OPRM1: variants seen among roughly 807,000 people sequenced by gnomAD.
OPRM1 encodes the protein opioid receptor mu 1, also known as mu-type opioid receptor.
A neutral mutation model predicts 31.8 loss-of-function variants in OPRM1; 27 were observed. The observed-to-expected ratio is 0.85, with a 90% CI of 0.63 to 1.17. The LOEUF is 1.17. OPRM1 is among the 50% of genes most tolerant of loss of function. The probability of loss-of-function intolerance (pLI) is 0.00; values close to 1 mark genes in which losing one functional copy is unlikely to be tolerated. For synonymous variants in OPRM1, 196 were observed against 189.9 expected (o/e 1.03, Z -0.26); for missense variants, 536 against 511.1 (o/e 1.05, Z -0.47).
At position 154,119,142 on chromosome 6, in the gene OPRM1, GAAT is replaced by G; in HGVS notation, c.*422_*424del. On this transcript the variant is annotated 3_prime_UTR_variant, in exon 4 of 4. Coordinates refer to ENST00000330432, the MANE Select transcript of OPRM1 (RefSeq NM_000914.5). ...ATGCTACCTCTGATCAAAGCACCTT[GAAT>G]GGAAGGTCCGAGTCTTTTTAGTGTT... The G allele has an allele frequency of 1.0e-6, 1 of 990,628 alleles. No homozygotes were observed. The highest frequency in any genetic ancestry group is 1.2e-6 in the Non-Finnish European group (1 of 833,238). The allele number at this position is 990,628 out of a possible 1,614,324, so 61.4% of individuals were successfully genotyped here.
chr6:154,138,297 A>G (rs984811736), intron 3 of OPRM1, among the ~76,000 whole-genome samples: 20 of 152,326 alleles, frequency 1.3e-4, no homozygotes, highest in African/African-American at 4.8e-4. Context: ...TTTAATGCTA[A>G]TATTTTAGAA....
Position 154,039,680 on chromosome 6 carries a change from G to C in OPRM1, c.136G>C (p.Gly46Arg). ...AGATGGCAACCTGTCCGACCCATGC[G>C]GTCCGAACCGCACCGACCTGGGCGG... The part of the protein sequence containing the change: ...HLDGNLSDPC[G>R]PNRTDLGGRD... Residue 46 changes from glycine (G) to arginine (R), a missense_variant, in exon 1 of 4, where the codon GGT (glycine) becomes CGT (arginine). Transcript: ENST00000330432. The C allele has an allele frequency of 9.3e-6, 15 of 1,613,974 alleles. No individual in the cohort carries two copies. The highest frequency in any genetic ancestry group is 1.3e-5 in the Non-Finnish European group (15 of 1,179,988).
At chr6:154,149,755 G>T (rs773784955) in intron 3 of OPRM1, among the ~76,000 whole-genome samples, 1 of 152,052 alleles carries the variant, frequency 6.6e-6, no homozygotes. Context: ...GGTCCCATAT[G>T]GTCAAGGCCC....
intron 3 of OPRM1, among the ~76,000 whole-genome samples, chr6:154,225,699 T>C (rs1223916395): frequency 6.6e-6 from 1 of 152,238 alleles, no homozygotes; most frequent in Admixed American, 6.5e-5. Context: ...TGTGAATGTA[T>C]TAAATGCCAC....
At position 154,103,227 on chromosome 6, in the gene OPRM1, G is replaced by C. The variant is rs181570385; in HGVS notation, c.1164+11755G>C. Among the ~76,000 whole-genome samples, 10 of 152,192 alleles carry C rather than the reference G, an allele frequency of 6.6e-5. No individual in the cohort carries two copies. The East Asian group carries it at 1.9e-3, about 29-fold the overall frequency. On this transcript the variant is annotated intron_variant, in intron 3 of 3. Coordinates refer to ENST00000330432, the MANE Select transcript of OPRM1 (RefSeq NM_000914.5). ...AGGACTCCTGGAAAATGAGGGTAAA[G>C]AAATAGAATCCCAAGTTTAATGGGA...
In OPRM1 at chr6:154,120,377, A is replaced by G. The variant is rs1318117090; in HGVS notation, c.*1656A>G. On this transcript the variant is annotated 3_prime_UTR_variant, in exon 4 of 4. Transcript: ENST00000330432. Reference sequence around the variant, plus strand: ...CAACCCACGTATCCAGTAGATGGGAAAAAACAAAAGCCAAAATAAGTTTTT... The same window carrying G: ...CAACCCACGTATCCAGTAGATGGGAGAAAACAAAAGCCAAAATAAGTTTTT... Among the ~76,000 whole-genome samples, 3 of 152,180 alleles carry G rather than the reference A, an allele frequency of 2.0e-5. No homozygotes were observed.
intron 1 of OPRM1, among the ~76,000 whole-genome samples, chr6:154,052,088 A>C (rs150911045): frequency 0.013 from 2,014 of 152,280 alleles, 51 homozygotes; most frequent in African/African-American, 0.047. Context: ...CAGAAAACCA[A>C]ACACTGCATG....
intron 3 of OPRM1, chr6:154,159,795 T>C (rs758380803): frequency 1.3e-6 from 2 of 1,531,230 alleles, no homozygotes; most frequent in Non-Finnish European, 1.8e-6. Flanking sequence ...TTGCTTGTGA[T>C]AAAATATAAG....
chr6:154,229,409 G>C (rs1436001803), intron 3 of OPRM1, among the ~76,000 whole-genome samples: 1 of 148,684 alleles, frequency 6.7e-6, no homozygotes, highest in African/African-American at 2.5e-5. Context: ...GACTGCAGTG[G>C]CGCGATCTTG....
intron 3 of OPRM1, among the ~76,000 whole-genome samples, chr6:154,241,981 C>T (rs184930280): frequency 3.3e-5 from 5 of 152,204 alleles, no homozygotes; most frequent in African/African-American, 1.2e-4. Flanking sequence ...AATCCCAGTT[C>T]TGCTATTTAC....
rs572092363 is a variant in OPRM1 at position 154,126,852 on chromosome 6, C to T, written c.*8131C>T. Among the ~76,000 whole-genome samples the T allele has an allele frequency of 9.0e-4, 137 of 152,298 alleles. No homozygotes were observed. The highest frequency in any genetic ancestry group is 9.1e-4 in the Non-Finnish European group (62 of 68,032). On this transcript the variant is annotated 3_prime_UTR_variant, in exon 4 of 4. Transcript: ENST00000330432. ...GCCTGCTGGGCGCGGTGGCTCACGC[C>T]TGTAATTCCAGCACTTTGGGAGGCC...
At chr6:154,089,290 A>G (rs1449850947) in intron 1 of OPRM1, among the ~76,000 whole-genome samples, 3 of 152,172 alleles carry the variant, frequency 2.0e-5, no homozygotes, top group Non-Finnish European at 2.9e-5. Context: ...TTACAAAAAA[A>G]AAAATTAAAA....
rs139436704 is a variant in OPRM1 at position 154,129,231 on chromosome 6, G to A, written c.*10510G>A. ...GTATGTGACAGGGGCTGCATGCACCGGTGGTCTGGGAGGAACAGAACAGGA... is the reference window on the plus strand; with the variant it reads ...GTATGTGACAGGGGCTGCATGCACCAGTGGTCTGGGAGGAACAGAACAGGA... On this transcript the variant is annotated 3_prime_UTR_variant, in exon 4 of 4. Coordinates refer to ENST00000330432, the MANE Select transcript of OPRM1 (RefSeq NM_000914.5). Among the ~76,000 whole-genome samples, 3 of 152,314 alleles carry A rather than the reference G, an allele frequency of 2.0e-5. No homozygotes were observed. The highest frequency in any genetic ancestry group is 6.5e-5 in the Admixed American group (1 of 15,304).
At position 154,207,984 on chromosome 6, in the gene OPRM1, C is replaced by T. The variant is rs779593925; in HGVS notation, c.1165-38709C>T. ...CACCCCACTGCTATCCCGATGGAAT[C>T]GCTGCCATCTTTTGCAATAGCTTAC... is the stretch of plus-strand genomic sequence containing the variant. On this transcript the variant is annotated intron_variant, in intron 3 of 3. Transcript: ENST00000337049. Among the ~76,000 whole-genome samples, 6 of 152,162 alleles carry T rather than the reference C, an allele frequency of 3.9e-5. No individual in the cohort carries two copies. The South Asian group carries it at 6.2e-4, about 16-fold the overall frequency.
intron 1 of OPRM1, among the ~76,000 whole-genome samples, chr6:154,067,720 GAT>G (rs1014634384): frequency 2.0e-5 from 3 of 151,860 alleles, no homozygotes; most frequent in African/African-American, 7.3e-5. Flanking sequence ...TATCTCATCT[GAT>G]TATTCTATCC....
At chr6:154,152,003 T>C (rs1230760961) in intron 3 of OPRM1, among the ~76,000 whole-genome samples, 1 of 151,772 alleles carries the variant, frequency 6.6e-6, no homozygotes, top group African/African-American at 2.4e-5. Flanking sequence ...GGTGAAACCC[T>C]GTCTCTACTA....
chr6:154,133,029 G>A (rs961987693), downstream of OPRM1, among the ~76,000 whole-genome samples: 1 of 151,868 alleles, frequency 6.6e-6, no homozygotes, highest in African/African-American at 2.4e-5. Flanking sequence ...GCTGAGGCAG[G>A]AGAATGGTGT....
chr6:154,241,928 G>A (rs746351235), intron 3 of OPRM1, among the ~76,000 whole-genome samples: 20 of 152,100 alleles, frequency 1.3e-4, no homozygotes, highest in Admixed American at 3.3e-4. Context: ...TATGCAGCCT[G>A]GGGAAAAGAG....
At chr6:154,174,449 A>G (rs1800134977) in intron 3 of OPRM1, among the ~76,000 whole-genome samples, 1 of 152,180 alleles carries the variant, frequency 6.6e-6, no homozygotes, top group East Asian at 1.9e-4. Context: ...AGACACACAC[A>G]GGCTCAAAAT....
Sources: gnomAD v4.1 joint callset for allele counts (sites outside exome capture counted in the v4.1 genomes callset) on GRCh38, gnomAD v4.1.1 for gene constraint, MANE v1.5 for transcripts, NCBI Gene and HGNC (gene_info 2026-07-23, HGNC 2026-07-21) for gene names.